The following ERBB3 variants were observed in gnomAD, a reference collection of about 807,000 sequenced individuals.
ERBB3 encodes the protein erb-b2 receptor tyrosine kinase 3, also known as receptor tyrosine-protein kinase erbB-3.
A neutral mutation model predicts 156.7 loss-of-function variants in ERBB3; 96 were observed. The observed-to-expected ratio is 0.61, with a 90% CI of 0.52 to 0.73. ERBB3 has a LOEUF of 0.73. Among genes scored for constraint, ERBB3 ranks in the 30% least tolerant of loss-of-function variants. The pLI, the probability that ERBB3 is intolerant of heterozygous loss-of-function variation, is 0.00. For missense variants in ERBB3, 1,406 were observed against 1,709.4 expected (o/e 0.82, Z 3.13); for synonymous variants, 567 against 632.0 (o/e 0.90, Z 1.54).
Position 56,102,168 on chromosome 12 carries a change from C to T in ERBB3, c.*113C>T, listed in dbSNP as rs1869135830. The T allele has an allele frequency of 5.3e-6, 5 of 948,786 alleles. No individual in the cohort carries two copies. The South Asian group carries it at 6.7e-5, about 13-fold the overall frequency. 58.8% of individuals were successfully genotyped at this position (948,786 alleles called of 1,614,324 possible). ...CAGGTCCCAGCCCCTTTTCCCCAGTCCCAGACAATTCCATTCAATCTTTGG... is the reference window on the plus strand; with the variant it reads ...CAGGTCCCAGCCCCTTTTCCCCAGTTCCAGACAATTCCATTCAATCTTTGG... On this transcript the variant is annotated 3_prime_UTR_variant, in exon 28 of 28. Coordinates refer to ENST00000267101, the MANE Select transcript of ERBB3 (RefSeq NM_001982.4).
At position 56,101,709 on chromosome 12, in the gene ERBB3, G is replaced by C; in HGVS notation, c.3683G>C (p.Gly1228Ala). The C allele has an allele frequency of 6.2e-7, 1 of 1,613,832 alleles. No homozygotes were observed. Among genetic ancestry groups the C allele is most frequent in the South Asian group, 1.1e-5 (1 of 91,062 alleles). Reference protein sequence around the residue: ...EELGYEYMDVGSDLSASLGST... With the variant: ...EELGYEYMDVASDLSASLGST... Reference sequence around the variant, plus strand: ...CTGGGTTATGAGTACATGGATGTGGGGTCAGACCTCAGTGCCTCTCTGGGC... The same window carrying C: ...CTGGGTTATGAGTACATGGATGTGGCGTCAGACCTCAGTGCCTCTCTGGGC... The change falls in exon 28 of 28, where the codon GGG becomes GCG. Residue 1228 changes from glycine to alanine, a missense_variant. Gly to Ala is a moderately conservative substitution (Grantham distance 60). This residue lies in a region of ERBB3 where 415 missense variants were observed against 454.1 expected (regional missense o/e 0.91). Transcript: ENST00000267101.
rs1869087255 is a variant in ERBB3, at chr12:56,101,217, A to AGGAGCC, written c.3365_3370dup (p.Arg1122_Ser1123dup). 1 of 1,613,560 alleles carries AGGAGCC rather than the reference A, an allele frequency of 6.2e-7. No individual in the cohort carries two copies. On this transcript the variant is annotated inframe_insertion, in exon 27 of 28. Coordinates refer to ENST00000267101, the MANE Select transcript of ERBB3 (RefSeq NM_001982.4). ...AGTGTCAATGTGTAGGAGCCGGAGC[A>AGGAGCC]GGAGCCGGAGCCCACGGCCACGCGG...
chr12:56,087,911 T>C lies in ERBB3; in HGVS notation c.730T>C (p.Phe244Leu). 2 of 1,613,990 alleles carry C rather than the reference T, an allele frequency of 1.2e-6. No homozygotes were observed. The highest frequency in any genetic ancestry group is 1.7e-6 in the Non-Finnish European group (2 of 1,179,814). The change falls in exon 6 of 28, where the codon TTT becomes CTT. Residue 244 changes from phenylalanine (F) to leucine (L), a missense_variant and splice_region_variant. By Grantham distance (22) the Phe-to-Leu change is conservative. Transcript: ENST00000267101. Reference protein sequence around the residue: ...GCSGPQDTDCFACRHFNDSGA... With the variant: ...GCSGPQDTDCLACRHFNDSGA... The stretch of plus-strand genomic sequence containing the variant: ...CTCAGGCCCTCAGGACACAGACTGC[T>C]TTGTATGTACCCTTTCCATTGCCTG...
intron 3 of ERBB3, among the ~76,000 whole-genome samples, chr12:56,086,188 C>T (rs1265471413): frequency 6.6e-6 from 1 of 151,906 alleles, no homozygotes. Context: ...GGGTTAAAAA[C>T]CACCTGTCCA....
chr12:56,096,653 G>A, intron 18 of ERBB3, 31 bp downstream of exon 18: 2 of 1,614,144 alleles, frequency 1.2e-6, no homozygotes, highest in South Asian at 1.1e-5. Flanking sequence ...CTGGAGAGGT[G>A]GGGAAGGCAT....
At chr12:56,085,374 C>T (rs1868444749) in intron 3 of ERBB3, 193 bp downstream of exon 3, 1 of 1,454,394 alleles carries the variant, frequency 6.9e-7, no homozygotes. Context: ...GCATCTGCTC[C>T]AGGGAAAGGA....
chr12:56,091,289 T>TATATATATATAATATATATAAATATAA (rs1868682056), intron 9 of ERBB3, among the ~76,000 whole-genome samples: 3 of 68,178 alleles, frequency 4.4e-5, no homozygotes, highest in Non-Finnish European at 9.8e-5. Flanking sequence ...TATATATATA[T>TATATATATATAATATATATAAATATAA]ATATATAAAT....
Position 56,097,866 on chromosome 12 carries a change from G to T in ERBB3, c.2542G>T (p.Val848Phe). ...CGTGCTACTCAAGTCACCCAGTCAG[G>T]TTCAGGTGGCAGATTTTGGTGTGGC... ...RNVLLKSPSQVQVADFGVADL... is the reference protein window; with the variant it reads ...RNVLLKSPSQFQVADFGVADL... The change falls in exon 21 of 28, where the codon GTT (valine) becomes TTT (phenylalanine). Residue 848 changes from valine (V) to phenylalanine (F), a missense_variant. Transcript: ENST00000267101. 4 of 1,614,030 alleles carry T rather than the reference G, an allele frequency of 2.5e-6. No homozygotes were observed. The highest frequency in any genetic ancestry group is 3.4e-6 in the Non-Finnish European group (4 of 1,180,010).
chr12:56,101,420 CTCTTT>C, intron 27 of ERBB3, 59 bp downstream of exon 27: 1 of 1,600,606 alleles, frequency 6.2e-7, no homozygotes, highest in East Asian at 2.3e-5. Flanking sequence ...CCCCGGGCTC[CTCTTT>C]TTTCTTCTCT....
At chr12:56,097,382 C>T (rs1868923664) in intron 20 of ERBB3, 152 bp downstream of exon 20, 4 of 757,182 alleles carry the variant, frequency 5.3e-6, no homozygotes, top group Non-Finnish European at 9.3e-6. Flanking sequence ...AACCAGGCCA[C>T]AGAGCATGTG....
chr12:56,100,123 A>G (rs372743283), intron 25 of ERBB3, 51 bp from the exon 26 acceptor site: 1,192 of 1,595,794 alleles, frequency 7.5e-4, no homozygotes, highest in Non-Finnish European at 9.4e-4. Flanking sequence ...CCCCATGGTG[A>G]ATGTAGATTT....
chr12:56,087,471 TG>T (rs2136792775), intron 4 of ERBB3, 105 bp from the exon 5 acceptor site: 1 of 997,750 alleles, frequency 1.0e-6, no homozygotes, highest in Non-Finnish European at 1.6e-6. Context: ...CCTGGCTTTT[TG>T]CTTCCCGGGA....
intron 1 of ERBB3, chr12:56,083,380 G>A (rs1461790796): frequency 2.8e-6 from 1 of 356,028 alleles, no homozygotes; most frequent in Non-Finnish European, 5.5e-6. Context: ...CCTAGTTGGA[G>A]GGGGAGAGGA....
intron 9 of ERBB3, among the ~76,000 whole-genome samples, chr12:56,091,304 T>TATATTACAAATATATATTATAA (rs1868687778): frequency 1.8e-5 from 1 of 55,168 alleles, no homozygotes; most frequent in African/African-American, 7.0e-5. Context: ...ATAAATAATA[T>TATATTACAAATATATATTATAA]ATATAAATAT....
At chr12:56,099,787 G>C in intron 24 of ERBB3, 42 bp downstream of exon 24, 2 of 1,612,936 alleles carry the variant, frequency 1.2e-6, no homozygotes, top group Non-Finnish European at 1.7e-6. Flanking sequence ...TTAGAAAAAG[G>C]AGGAGTTGGC....
intron 1 of ERBB3, chr12:56,083,380 G>C: frequency 2.8e-6 from 1 of 356,028 alleles, no homozygotes; most frequent in Non-Finnish European, 5.5e-6. Context: ...CCTAGTTGGA[G>C]GGGGAGAGGA....
At chr12:56,081,204 C>G (rs1246748029) in intron 1 of ERBB3, among the ~76,000 whole-genome samples, 2 of 152,214 alleles carry the variant, frequency 1.3e-5, no homozygotes, top group African/African-American at 4.8e-5. Flanking sequence ...GGGAGTCCTT[C>G]CTGGGCTCAG....
At chr12:56,084,225 T>G (rs974275794) in intron 2 of ERBB3, among the ~76,000 whole-genome samples, 4 of 152,128 alleles carry the variant, frequency 2.6e-5, no homozygotes, top group African/African-American at 9.7e-5. Flanking sequence ...CCTACTGGTA[T>G]GAGGCACTTT....
At position 56,097,083 on chromosome 12, in the gene ERBB3, T is replaced by G; in HGVS notation, c.2313T>G (p.Ile771Met). 2 of 1,614,114 alleles carry G rather than the reference T, an allele frequency of 1.2e-6. No homozygotes were observed. The highest frequency in any genetic ancestry group is 4.5e-5 in the East Asian group (2 of 44,888). ...TTGGCAGCCTGGACCATGCCCACAT[T>G]GTAAGGCTGCTGGGACTATGCCCAG... The part of the protein sequence containing the change: ...LAIGSLDHAH[I>M]VRLLGLCPGS... The change falls in exon 20 of 28, where the codon ATT (isoleucine) becomes ATG (methionine). Residue 771 changes from isoleucine to methionine, a missense_variant. Physicochemically the swap from Ile to Met is conservative, Grantham distance 10. Transcript: ENST00000267101.
Sources: gnomAD v4.1 joint callset for allele counts (sites outside exome capture counted in the v4.1 genomes callset) on GRCh38, gnomAD v4.1.1 for gene constraint, gnomAD v4.1.1 regional missense constraint, MANE v1.5 for transcripts, NCBI Gene and HGNC (gene_info 2026-07-23, HGNC 2026-07-21) for gene names.